Variants in RTN4 observed in about 807,000 individuals in gnomAD.
RTN4 encodes the protein reticulon-4.
A neutral mutation model predicts 90.4 loss-of-function variants in RTN4; 32 were observed. The observed-to-expected ratio is 0.35, with a 90% CI of 0.27 to 0.48. RTN4 has a LOEUF of 0.48. Among genes scored for constraint, RTN4 ranks in the 20% least tolerant of loss-of-function variants. RTN4 has a pLI of 0.99. For synonymous variants in RTN4, 629 were observed against 552.5 expected (o/e 1.14, Z -1.94); for missense variants, 1,706 against 1,430.2 (o/e 1.19, Z -3.11).
intron 3 of RTN4, among the ~76,000 whole-genome samples, chr2:54,994,694 C>A (rs1679277342): frequency 6.6e-6 from 1 of 152,162 alleles, no homozygotes; most frequent in Admixed American, 6.5e-5. Flanking sequence ...ACTTCTGGTC[C>A]TGGGGGTGCT....
At chr2:55,033,469 G>A (rs1386108198) in intron 1 of RTN4, among the ~76,000 whole-genome samples, 1 of 152,130 alleles carries the variant, frequency 6.6e-6, no homozygotes, top group African/African-American at 2.4e-5. Flanking sequence ...GCAAACCAGA[G>A]CGGGTCATCC....
intron 3 of RTN4, among the ~76,000 whole-genome samples, chr2:55,010,996 TGGGAAAATGAC>T (rs955150455): frequency 1.3e-5 from 2 of 152,160 alleles, no homozygotes; most frequent in Non-Finnish European, 2.9e-5. Flanking sequence ...TAATCTGCCA[TGGGAAAATGAC>T]ATAAAAGCAA....
Position 55,069,263 on chromosome 2 carries a change from A to T in RTN4, c.-63+11226T>A, listed in dbSNP as rs564963400. 3.9e-5 allele frequency among the ~76,000 whole-genome samples: 6 copies of T among 152,330 alleles called. No homozygotes were observed. In the East Asian group the frequency reaches 9.6e-4, roughly 24 times the overall value. On this transcript the variant is annotated intron_variant, in intron 2 of 3. Transcript: ENST00000427710. ...CGTCTTCAAGAAATCAATTGCTTAG[A>T]GTATGAAAGTTCTAACCTTTATCAG... is the stretch of plus-strand genomic sequence containing the variant.
chr2:55,132,829 AT>A, the RTN4 span, among the ~76,000 whole-genome samples: 32,808 of 144,656 alleles, frequency 0.23, 4,326 homozygotes, highest in East Asian at 0.48. Context: ...AAAAAAAAAA[AT>A]TGAAAATTAA....
At chr2:55,113,529 C>T (rs1047037763), upstream of RTN4, among the ~76,000 whole-genome samples, 1 of 152,158 alleles carries the variant, frequency 6.6e-6, no homozygotes, top group Non-Finnish European at 1.5e-5. Context: ...GTGGTAGTTG[C>T]TCTGGGGGAG....
At chr2:55,049,046 AC>A in intron 1 of RTN4, 2 of 948,136 alleles carry the variant, frequency 2.1e-6, no homozygotes, top group Non-Finnish European at 1.3e-6. Flanking sequence ...TCCACATCAC[AC>A]CCCGGGGAGC....
chr2:55,000,812 C>T (rs1262843055), intron 3 of RTN4, among the ~76,000 whole-genome samples: 1 of 151,942 alleles, frequency 6.6e-6, no homozygotes, highest in East Asian at 1.9e-4. Flanking sequence ...GCTATTTCTA[C>T]CTTAGTTTAA....
chr2:55,137,291 A>G, the RTN4 span, among the ~76,000 whole-genome samples: 1 of 152,224 alleles, frequency 6.6e-6, no homozygotes, highest in Non-Finnish European at 1.5e-5. Flanking sequence ...AGAGGAGGGC[A>G]TGAAATGGGG....
At chr2:55,050,505 C>G (rs6545468), upstream of RTN4, 151,975 of 398,182 alleles carry the variant, frequency 0.38, 29,831 homozygotes, top group African/African-American at 0.43. The surrounding 1 kb of genome is among the most constrained non-coding windows in gnomAD (Gnocchi z 4.6). Context: ...CCTGTCCCCA[C>G]TTGCCGCCGC....
intron 3 of RTN4, among the ~76,000 whole-genome samples, chr2:54,993,074 G>GAAAAAAA (rs1491430691): frequency 3.8e-5 from 3 of 79,004 alleles, no homozygotes; most frequent in African/African-American, 8.0e-5. Context: ...ACTCCATCTC[G>GAAAAAAA]GAAAAAAAAA....
chr2:55,050,525 G>A (rs1573481448), upstream of RTN4: 2 of 381,448 alleles, frequency 5.2e-6, no homozygotes, highest in Non-Finnish European at 9.3e-6. This position sits in a 1 kb window ranked among gnomAD's most constrained non-coding sequence, Gnocchi z 4.6. Context: ...CCGCCCAGAT[G>A]AGCTAGGAGT....
intron 1 of RTN4, among the ~76,000 whole-genome samples, chr2:55,096,601 C>T (rs1667723451): frequency 6.6e-6 from 1 of 152,202 alleles, no homozygotes; most frequent in Admixed American, 6.5e-5. Context: ...CTTTCTCTGG[C>T]TAAATAATCC....
intron 3 of RTN4, among the ~76,000 whole-genome samples, chr2:55,000,424 G>A (rs779935840): frequency 6.6e-6 from 1 of 152,050 alleles, no homozygotes; most frequent in Admixed American, 6.6e-5. Flanking sequence ...GTGCTTTGGC[G>A]AATTTGAACC....
At chr2:55,004,953 G>C (rs1057373789) in intron 3 of RTN4, among the ~76,000 whole-genome samples, 5 of 152,026 alleles carry the variant, frequency 3.3e-5, no homozygotes, top group African/African-American at 9.7e-5. Flanking sequence ...AGGAGAACCG[G>C]GCCTTTGATA....
upstream of RTN4, among the ~76,000 whole-genome samples, chr2:55,117,359 T>C (rs1573528229): frequency 1.3e-5 from 2 of 152,282 alleles, no homozygotes; most frequent in Admixed American, 1.3e-4. Flanking sequence ...ATGAGCAGCC[T>C]CTTCCTGAAG....
At chr2:55,071,361 G>A (rs555382488) in intron 2 of RTN4, among the ~76,000 whole-genome samples, 78 of 151,912 alleles carry the variant, frequency 5.1e-4, no homozygotes, top group African/African-American at 1.6e-3. Flanking sequence ...AGGAAACAAC[G>A]AAAGGAGATG....
chr2:54,974,949 A>T (rs1378562931), intron 5 of RTN4, among the ~76,000 whole-genome samples, 185 bp from the exon 6 acceptor site: 1 of 152,240 alleles, frequency 6.6e-6, no homozygotes, highest in Non-Finnish European at 1.5e-5. Flanking sequence ...AAATCCTAAA[A>T]TAATTAATAG....
chr2:55,079,256 G>A (rs140332468), intron 2 of RTN4, among the ~76,000 whole-genome samples: 14 of 152,332 alleles, frequency 9.2e-5, no homozygotes, highest in Non-Finnish European at 1.8e-4. Flanking sequence ...GAAGCAAAAA[G>A]TTATAACAGT....
intron 1 of RTN4, among the ~76,000 whole-genome samples, chr2:55,028,473 T>C (rs1309113976): frequency 6.6e-6 from 1 of 152,220 alleles, no homozygotes; most frequent in Admixed American, 6.5e-5. Flanking sequence ...AACCTGTTTA[T>C]GTTAAAGAAA....
Sources: allele counts gnomAD v4.1 joint callset (sites outside exome capture counted in the v4.1 genomes callset), GRCh38; gene constraint gnomAD v4.1.1; non-coding constraint Gnocchi (gnomAD v3.1); transcripts MANE v1.5; gene names NCBI Gene and HGNC (gene_info 2026-07-23, HGNC 2026-07-21).